WLS: variants seen among roughly 807,000 people sequenced by gnomAD.
WLS encodes protein wntless homolog.
Under a neutral mutation model 62.8 loss-of-function variants are expected in WLS, and 23 were observed. The ratio of observed to expected loss-of-function variants is 0.37; its 90% confidence interval spans 0.26 to 0.52. The LOEUF (loss-of-function observed/expected upper bound fraction) is 0.52, where lower values mean the gene tolerates loss of function less well. Among genes scored for constraint, WLS ranks in the 20% least tolerant of loss-of-function variants. The pLI is 0.92. For missense variants in WLS, 615 were observed against 697.3 expected (o/e 0.88, Z 1.33); for synonymous variants, 246 against 244.1 (o/e 1.01, Z -0.07).
Position 68,125,733 on chromosome 1 carries a change from T to A in WLS, c.*493A>T. On this transcript the variant is annotated 3_prime_UTR_variant, in exon 12 of 12. Coordinates refer to ENST00000262348, the MANE Select transcript of WLS (RefSeq NM_024911.7). ...AATATTAACTCAGTGGGCTACCTGG[T>A]GATATAAATAGGAAAAAAACAGTGG... 5.1e-6 allele frequency: 5 copies of A among 985,966 alleles called. No homozygotes were observed. The highest frequency in any genetic ancestry group is 4.8e-6 in the Non-Finnish European group (4 of 830,390). 61.1% of individuals were successfully genotyped at this position (985,966 alleles called of 1,614,324 possible).
chr1:68,224,808 A>G (rs1650077878), intron 1 of WLS, among the ~76,000 whole-genome samples: 1 of 152,106 alleles, frequency 6.6e-6, no homozygotes, highest in Non-Finnish European at 1.5e-5. Flanking sequence ...CTTCTGCTCT[A>G]TCTGTGTAGA....
intron 11 of WLS, among the ~76,000 whole-genome samples, chr1:68,101,886 A>C (rs982021787): frequency 6.6e-6 from 1 of 152,240 alleles, no homozygotes; most frequent in African/African-American, 2.4e-5. Flanking sequence ...TACGCTCTTA[A>C]AATTTCAATA....
intron 11 of WLS, among the ~76,000 whole-genome samples, chr1:68,101,066 G>C (rs756420923): frequency 1.3e-5 from 2 of 152,120 alleles, no homozygotes; most frequent in African/African-American, 2.4e-5. Flanking sequence ...CCTGCTTTTG[G>C]TGTCTGCTGG....
chr1:68,153,105 C>T (rs541400677), intron 5 of WLS, among the ~76,000 whole-genome samples: 4 of 152,140 alleles, frequency 2.6e-5, no homozygotes, highest in Non-Finnish European at 5.9e-5. Context: ...ATAGGGAAAC[C>T]CTGTCTCTAC....
At chr1:68,203,087 CAT>C (rs1189941329) in intron 1 of WLS, 1 of 152,200 alleles carries the variant, frequency 6.6e-6, no homozygotes, top group Non-Finnish European at 1.5e-5. Flanking sequence ...TCATAAATTA[CAT>C]ATATTCTTTT....
intron 1 of WLS, among the ~76,000 whole-genome samples, chr1:68,211,300 C>G (rs1370672127): frequency 6.9e-6 from 1 of 144,346 alleles, no homozygotes; most frequent in South Asian, 2.2e-4. Flanking sequence ...CTGAGGCACA[C>G]AGCCTCCTTT....
chr1:68,197,747 G>A (rs61771353), intron 1 of WLS, among the ~76,000 whole-genome samples: 1 of 152,128 alleles, frequency 6.6e-6, no homozygotes, highest in Non-Finnish European at 1.5e-5. Flanking sequence ...GTTTTCATTA[G>A]CTATAGTCAA....
chr1:68,194,075 C>T lies in WLS; in HGVS notation c.259G>A (p.Ala87Thr). The T allele has an allele frequency of 6.2e-7, 1 of 1,614,148 alleles. No individual in the cohort carries two copies. Among genetic ancestry groups the T allele is most frequent in the Non-Finnish European group, 8.5e-7 (1 of 1,180,022 alleles). Residue 87 changes from alanine (A) to threonine (T), a missense_variant, in exon 2 of 12, where the codon GCC becomes ACC. Ala to Thr is a moderately conservative substitution (Grantham distance 58). Coordinates refer to ENST00000262348, the MANE Select transcript of WLS (RefSeq NM_024911.7). ...TGAACAGAAAACACGATGTCATTGGCTTCAATTTCCCTTGGAATTGCCTCT... is the reference window on the plus strand; with the variant it reads ...TGAACAGAAAACACGATGTCATTGGTTTCAATTTCCCTTGGAATTGCCTCT... ...IEEAIPREIE[A>T]NDIVFSVHIP...
chr1:68,103,951 T>G (rs1393376099), intron 11 of WLS, among the ~76,000 whole-genome samples: 1 of 152,106 alleles, frequency 6.6e-6, no homozygotes, highest in Admixed American at 6.5e-5. Context: ...CTCCTTGACT[T>G]GGCTGTCTGG....
At position 68,157,423 on chromosome 1, in the gene WLS, A is replaced by G. The variant is rs74519052; in HGVS notation, c.504+1700T>C. The stretch of plus-strand genomic sequence containing the variant: ...AGAGACAAGTTCGTTGTATCCTGTT[A>G]GAGACTTTTCTTCATGCACTAAAGT... On this transcript the variant is annotated intron_variant, in intron 3 of 11. Transcript: ENST00000262348. Among the ~76,000 whole-genome samples, 204 of 152,288 alleles carry G rather than the reference A, an allele frequency of 1.3e-3. 1 individual carries two copies. Among genetic ancestry groups the G allele is most frequent in the African/African-American group, 4.6e-3 (193 of 41,554 alleles).
At chr1:68,104,220 G>C (rs2100299245) in intron 11 of WLS, among the ~76,000 whole-genome samples, 1 of 152,102 alleles carries the variant, frequency 6.6e-6, no homozygotes, top group East Asian at 1.9e-4. Flanking sequence ...TCTAAGTGCA[G>C]ACCCTGTTTC....
rs1650461229 is a variant in WLS, at chr1:68,232,201, G to A, written c.99C>T (p.Gly33=). The change falls in exon 1 of 12, where the codon GGC becomes GGT. Residue 33 remains glycine (G), a synonymous_variant. Coordinates refer to ENST00000262348, the MANE Select transcript of WLS (RefSeq NM_024911.7). ...VFQIIAFLVG[G]LIAPGPTTAV... ...GCAGCTCTCCGCACTTACCAATCAAGCCTCCCACCAGAAAGGCGATGATTT... is the reference window on the plus strand; with the variant it reads ...GCAGCTCTCCGCACTTACCAATCAAACCTCCCACCAGAAAGGCGATGATTT... 2 of 1,614,102 alleles carry A rather than the reference G, an allele frequency of 1.2e-6. No individual in the cohort carries two copies. Among genetic ancestry groups the A allele is most frequent in the Admixed American group, 3.3e-5 (2 of 60,004 alleles).
chr1:68,174,241 C>T (rs1202272068), intron 2 of WLS, among the ~76,000 whole-genome samples: 2 of 152,206 alleles, frequency 1.3e-5, no homozygotes, highest in African/African-American at 4.8e-5. Context: ...CACTGCATAC[C>T]TCCATCGCCC....
intron 1 of WLS, among the ~76,000 whole-genome samples, chr1:68,230,219 C>G (rs891586212): frequency 6.6e-6 from 1 of 152,076 alleles, no homozygotes; most frequent in African/African-American, 2.4e-5. Flanking sequence ...AGAAACACAC[C>G]AACAAACACC....
chr1:68,169,223 A>C (rs1415337654), intron 2 of WLS, among the ~76,000 whole-genome samples: 2 of 152,240 alleles, frequency 1.3e-5, no homozygotes, highest in African/African-American at 4.8e-5. Context: ...GACAAGGACA[A>C]GGGAGAACGG....
chr1:68,181,195 C>T (rs1168245125), intron 2 of WLS, among the ~76,000 whole-genome samples: 1 of 152,000 alleles, frequency 6.6e-6, no homozygotes, highest in Admixed American at 6.6e-5. Flanking sequence ...ATGTTATGAC[C>T]AGCTGGCATT....
chr1:68,132,313 G>C (rs952093709), intron 11 of WLS, among the ~76,000 whole-genome samples: 8 of 152,152 alleles, frequency 5.3e-5, no homozygotes, highest in African/African-American at 1.7e-4. Flanking sequence ...ACCTGCTTTA[G>C]GGTCTGGGTC....
chr1:68,114,658 A>G (rs1277582862), intron 11 of WLS, among the ~76,000 whole-genome samples: 1 of 152,218 alleles, frequency 6.6e-6, no homozygotes, highest in Non-Finnish European at 1.5e-5. Flanking sequence ...TAAACTGGCC[A>G]GATGATGGAG....
downstream of WLS, chr1:68,125,329 C>G: frequency 1.0e-6 from 1 of 985,402 alleles, no homozygotes; most frequent in Non-Finnish European, 1.2e-6. Flanking sequence ...CCTCTAGGTT[C>G]AACCTGGAAA....
Sources: gnomAD v4.1 joint callset for allele counts (sites outside exome capture counted in the v4.1 genomes callset) on GRCh38, gnomAD v4.1.1 for gene constraint, MANE v1.5 for transcripts, NCBI Gene and HGNC (gene_info 2026-07-23, HGNC 2026-07-21) for gene names.